Variants in SPIDR observed in about 807,000 individuals in gnomAD.
SPIDR encodes the protein scaffold protein involved in DNA repair, also known as DNA repair-scaffolding protein.
SPIDR carries 93 observed loss-of-function variants against 104.6 expected under a neutral mutation model. That is an observed-to-expected ratio of 0.89 (90% CI 0.75 to 1.06). The LOEUF is 1.06. Ranked by LOEUF, SPIDR falls within the 50% of genes least tolerant of loss-of-function variation. The probability of loss-of-function intolerance (pLI) is 0.00; values close to 1 mark genes in which losing one functional copy is unlikely to be tolerated. For synonymous variants in SPIDR, 431 were observed against 416.9 expected (o/e 1.03, Z -0.41); for missense variants, 1,154 against 1,111.2 (o/e 1.04, Z -0.55).
chr8:47,420,107 G>C (rs1326864287), intron 7 of SPIDR, among the ~76,000 whole-genome samples: 1 of 152,182 alleles, frequency 6.6e-6, no homozygotes, highest in Non-Finnish European at 1.5e-5. Flanking sequence ...TTGGGGTGGA[G>C]AGTTCTGTAG....
chr8:47,348,797 A>G (rs1277297995), intron 5 of SPIDR, among the ~76,000 whole-genome samples: 1 of 152,204 alleles, frequency 6.6e-6, no homozygotes, highest in South Asian at 2.1e-4. Context: ...TTTCAGCTCC[A>G]TCAGTTCATT....
chr8:47,696,277 A>G (rs919010824), intron 11 of SPIDR, among the ~76,000 whole-genome samples: 2 of 152,178 alleles, frequency 1.3e-5, no homozygotes, highest in African/African-American at 4.8e-5. Flanking sequence ...TTCTACTTAG[A>G]TTTTGACAGC....
chr8:47,404,678 G>T (rs1033699841), intron 6 of SPIDR, among the ~76,000 whole-genome samples: 1 of 152,110 alleles, frequency 6.6e-6, no homozygotes, highest in African/African-American at 2.4e-5. Flanking sequence ...TTAGAATGGC[G>T]ATCATTAAAA....
chr8:47,367,665 C>T (rs1305927354), intron 5 of SPIDR, among the ~76,000 whole-genome samples: 20 of 152,206 alleles, frequency 1.3e-4, no homozygotes, highest in African/African-American at 4.8e-4. Flanking sequence ...ACTTAGCCCA[C>T]ATTGCCACCC....
intron 14 of SPIDR, among the ~76,000 whole-genome samples, chr8:47,707,011 G>A (rs2081185346): frequency 6.6e-6 from 1 of 152,104 alleles, no homozygotes; most frequent in Non-Finnish European, 1.5e-5. Context: ...CCAGCACTTT[G>A]GGAGGCCGAG....
chr8:47,341,097 G>A (rs367905890), intron 5 of SPIDR, among the ~76,000 whole-genome samples: 1 of 152,306 alleles, frequency 6.6e-6, no homozygotes, highest in East Asian at 1.9e-4. Context: ...CAGAAGTGAG[G>A]GCAGCCTTGT....
intron 7 of SPIDR, among the ~76,000 whole-genome samples, chr8:47,413,305 C>T (rs2063788110): frequency 6.6e-6 from 1 of 152,218 alleles, no homozygotes; most frequent in Non-Finnish European, 1.5e-5. Context: ...AGAGACATTC[C>T]AGTCCAAGCT....
chr8:47,464,058 A>T (rs1221988534), intron 8 of SPIDR, among the ~76,000 whole-genome samples: 11 of 152,082 alleles, frequency 7.2e-5, no homozygotes, highest in Non-Finnish European at 1.6e-4. Context: ...AAAGAAAGAA[A>T]ATTATCTCTA....
intron 16 of SPIDR, among the ~76,000 whole-genome samples, chr8:47,715,964 C>CTTTTTTT (rs965625857): frequency 2.2e-4 from 28 of 127,090 alleles, no homozygotes; most frequent in Non-Finnish European, 2.5e-4. Context: ...TCTCTTTTTT[C>CTTTTTTT]TTTTTTTTTT....
chr8:47,664,463 C>T (rs1468638544), intron 10 of SPIDR, among the ~76,000 whole-genome samples: 1 of 151,978 alleles, frequency 6.6e-6, no homozygotes, highest in African/African-American at 2.4e-5. Flanking sequence ...AATGTCTAAC[C>T]AAACAGAGTG....
chr8:47,427,940 G>C (rs1471664125), intron 7 of SPIDR, among the ~76,000 whole-genome samples: 2 of 151,922 alleles, frequency 1.3e-5, no homozygotes, highest in East Asian at 1.9e-4. Flanking sequence ...TTTTTGTTTT[G>C]AGACACAGTC....
chr8:47,501,657 C>G (rs552002978), intron 8 of SPIDR, among the ~76,000 whole-genome samples: 161 of 152,292 alleles, frequency 1.1e-3, no homozygotes, highest in Admixed American at 2.0e-3. Context: ...CCTGATTGCC[C>G]TGGCCAGAAC....
intron 2 of SPIDR, among the ~76,000 whole-genome samples, chr8:47,281,827 C>G (rs1261110947): frequency 6.6e-6 from 1 of 152,190 alleles, no homozygotes; most frequent in African/African-American, 2.4e-5. Context: ...GAATATTTTT[C>G]TGAAAGTTTT....
In SPIDR at chr8:47,598,899, G is replaced by A. The variant is rs745983105; in HGVS notation, c.1294-47G>A. On this transcript the variant is annotated intron_variant, in intron 9 of 19. Coordinates refer to ENST00000297423, the MANE Select transcript of SPIDR (RefSeq NM_001080394.4). ...CATGTTGCTTGTTGTTAGCCGAACT[G>A]AAACTTTGTGAGTCTTGAAACTGTT... The A allele has an allele frequency of 6.2e-6, 10 of 1,607,918 alleles. No individual in the cohort carries two copies. The South Asian group carries it at 1.1e-4, about 18-fold the overall frequency.
intron 8 of SPIDR, among the ~76,000 whole-genome samples, chr8:47,526,418 G>A (rs1054440588): frequency 6.6e-6 from 1 of 152,168 alleles, no homozygotes; most frequent in African/African-American, 2.4e-5. Context: ...TTTAAGGCAT[G>A]GATTTTGGTC....
intron 8 of SPIDR, among the ~76,000 whole-genome samples, chr8:47,475,130 T>C (rs2154359368): frequency 6.6e-6 from 1 of 152,290 alleles, no homozygotes; most frequent in Admixed American, 6.5e-5. Context: ...AGGAAGCTTT[T>C]TATTTGTACC....
chr8:47,377,301 T>G (rs1587912870), intron 5 of SPIDR, among the ~76,000 whole-genome samples: 2 of 152,174 alleles, frequency 1.3e-5, no homozygotes, highest in South Asian at 4.1e-4. Flanking sequence ...CCGATAAACT[T>G]TGTGTGTTTG....
At position 47,503,096 on chromosome 8, in the gene SPIDR, A is replaced by G. The variant is rs1224615551; in HGVS notation, c.1097+62554A>G. Among the ~76,000 whole-genome samples, 3 of 152,342 alleles carry G rather than the reference A, an allele frequency of 2.0e-5. 1 individual carries two copies. Among genetic ancestry groups the G allele is most frequent in the African/African-American group, 4.8e-5 (2 of 41,588 alleles). On this transcript the variant is annotated intron_variant, in intron 8 of 19. Coordinates refer to ENST00000297423, the MANE Select transcript of SPIDR (RefSeq NM_001080394.4). ...TTGGAATAGGTGTGTTGTGGTGCTGAAAAGAATGTATATTCTGTTGATTTT... is the reference window on the plus strand; with the variant it reads ...TTGGAATAGGTGTGTTGTGGTGCTGGAAAGAATGTATATTCTGTTGATTTT...
At chr8:47,265,851 CACAG>C (rs2033852612) in intron 1 of SPIDR, among the ~76,000 whole-genome samples, 1 of 152,106 alleles carries the variant, frequency 6.6e-6, no homozygotes, top group Non-Finnish European at 1.5e-5. Context: ...CTTTCTGGTT[CACAG>C]ACAGCCATAT....
Sources: gnomAD v4.1 joint callset for allele counts (sites outside exome capture counted in the v4.1 genomes callset) on GRCh38, gnomAD v4.1.1 for gene constraint, MANE v1.5 for transcripts, NCBI Gene and HGNC (gene_info 2026-07-23, HGNC 2026-07-21) for gene names.